ANKRD13B: variants seen among roughly 807,000 people sequenced by gnomAD.
ANKRD13B encodes the protein ankyrin repeat domain 13B, also known as ankyrin repeat domain-containing protein 13B.
In ANKRD13B, 33 loss-of-function variants were observed where a neutral mutation model predicts 74.4. That is an observed-to-expected ratio of 0.44 (90% confidence interval 0.34 to 0.59). The LOEUF is 0.59. Ranked by LOEUF, ANKRD13B falls within the 20% of genes least tolerant of loss-of-function variation. The pLI, the probability that ANKRD13B is intolerant of heterozygous loss-of-function variation, is 0.02. For missense variants in ANKRD13B, 676 were observed against 877.9 expected (o/e 0.77, Z 2.91); for synonymous variants, 341 against 362.9 (o/e 0.94, Z 0.68).
At chr17:29,595,379 T>A (rs113310349) in intron 1 of ANKRD13B, among the ~76,000 whole-genome samples, 14 of 152,150 alleles carry the variant, frequency 9.2e-5, no homozygotes, top group African/African-American at 3.1e-4. Context: ...TTCCCAGGGG[T>A]CCAAGGATCA....
chr17:29,606,202 C>T (rs1262827082), intron 1 of ANKRD13B, among the ~76,000 whole-genome samples: 6 of 151,836 alleles, frequency 4.0e-5, no homozygotes, highest in Admixed American at 1.3e-4. Flanking sequence ...TGAGCTACCG[C>T]GCCTGGCCTG....
chr17:29,606,472 C>T (rs1488458575), intron 1 of ANKRD13B, among the ~76,000 whole-genome samples: 4 of 151,804 alleles, frequency 2.6e-5, no homozygotes, highest in Non-Finnish European at 2.9e-5. Context: ...GCACAAGAAT[C>T]GCTTGAACCT....
In ANKRD13B at chr17:29,613,693, C is replaced by G. The variant is rs888201910; in HGVS notation, c.*111C>G. ...AGCGGCGGCTGGAGACTGGAGCCAC[C>G]GCCTCGCGGGTGCAGCAGCACAGCA... On this transcript the variant is annotated 3_prime_UTR_variant, in exon 15 of 15. Transcript: ENST00000394859. The G allele has an allele frequency of 2.2e-6, 3 of 1,363,082 alleles. No individual in the cohort carries two copies. Among genetic ancestry groups the G allele is most frequent in the African/African-American group, 1.5e-5 (1 of 64,910 alleles). 84.4% of individuals were successfully genotyped at this position (1,363,082 alleles called of 1,614,324 possible).
intron 1 of ANKRD13B, among the ~76,000 whole-genome samples, chr17:29,602,674 T>C (rs964123227): frequency 6.6e-6 from 1 of 152,174 alleles, no homozygotes; most frequent in African/African-American, 2.4e-5. Context: ...TATTTCATCT[T>C]GAGATCCTTA....
chr17:29,612,614 G>T lies in ANKRD13B; in HGVS notation c.1412-38G>T. 1 of 1,514,944 alleles carries T rather than the reference G, an allele frequency of 6.6e-7. No individual in the cohort carries two copies. The highest frequency in any genetic ancestry group is 8.8e-7 in the Non-Finnish European group (1 of 1,134,048). 93.8% of individuals were successfully genotyped at this position (1,514,944 alleles called of 1,614,324 possible). On this transcript the variant is annotated intron_variant, in intron 12 of 14. Coordinates refer to ENST00000394859, the MANE Select transcript of ANKRD13B (RefSeq NM_152345.5). This position sits in a 1 kb window ranked among gnomAD's most constrained non-coding sequence, Gnocchi z 6.1. ...TCTCCCCGGGGTGGGTGGGAGGGGCGCGCCCGGCCGTGCCTGACCCAGCCC... is the reference window on the plus strand; with the variant it reads ...TCTCCCCGGGGTGGGTGGGAGGGGCTCGCCCGGCCGTGCCTGACCCAGCCC...
At chr17:29,599,012 G>A (rs899170577) in intron 1 of ANKRD13B, among the ~76,000 whole-genome samples, 5 of 152,204 alleles carry the variant, frequency 3.3e-5, no homozygotes, top group Non-Finnish European at 7.3e-5. Context: ...TGGCTGATGG[G>A]GCTTCTGTTC....
At position 29,609,334 on chromosome 17, in the gene ANKRD13B, T is replaced by C; in HGVS notation, c.756-21T>C. The stretch of plus-strand genomic sequence containing the variant: ...AGCCCGGTGGGGTGCCTGCCTCACC[T>C]GGACCACTCTGCTTCCCCAGGAACA... On this transcript the variant is annotated intron_variant, in intron 6 of 14. Transcript: ENST00000394859. This position sits in a 1 kb window ranked among gnomAD's most constrained non-coding sequence, Gnocchi z 4.0. The C allele has an allele frequency of 6.2e-7, 1 of 1,613,476 alleles. No individual in the cohort carries two copies. Among genetic ancestry groups the C allele is most frequent in the South Asian group, 1.1e-5 (1 of 91,060 alleles).
chr17:29,599,861 A>ATTTTTT (rs1197088972), intron 1 of ANKRD13B, among the ~76,000 whole-genome samples: 4 of 54,854 alleles, frequency 7.3e-5, no homozygotes, highest in South Asian at 5.4e-4. Context: ...TTAGCATCTA[A>ATTTTTT]TTTGTTTTTT....
At chr17:29,606,005 CG>C (rs2034358527) in intron 1 of ANKRD13B, among the ~76,000 whole-genome samples, 1 of 151,670 alleles carries the variant, frequency 6.6e-6, no homozygotes, top group Admixed American at 6.6e-5. Flanking sequence ...CTCCGCCTCC[CG>C]GGTTCAAGCG....
intron 1 of ANKRD13B, among the ~76,000 whole-genome samples, chr17:29,605,609 G>A (rs2034342712): frequency 6.6e-6 from 1 of 152,060 alleles, no homozygotes; most frequent in South Asian, 2.1e-4. Context: ...TGGGACTACA[G>A]GCACAGGCCA....
intron 1 of ANKRD13B, among the ~76,000 whole-genome samples, chr17:29,594,870 G>A (rs1220804558): frequency 6.6e-6 from 1 of 152,238 alleles, no homozygotes; most frequent in Non-Finnish European, 1.5e-5. Context: ...GCATGGAGGT[G>A]GAGGGCAGGC....
In ANKRD13B at chr17:29,612,478, G is replaced by A. The variant is rs1340694245; in HGVS notation, c.1335G>A (p.Ser445=). The change falls in exon 12 of 15, where the codon TCG becomes TCA. Residue 445 remains serine (S), a synonymous_variant. Transcript: ENST00000394859. This position sits in a 1 kb window ranked among gnomAD's most constrained non-coding sequence, Gnocchi z 6.1. ...NLNGCDEPVP[S]VRGSPSSETP... ...ACGGCTGCGACGAACCGGTGCCATC[G>A]GTGCGAGGCAGCCCCAGCAGCGAGA... 1 of 1,597,052 alleles carries A rather than the reference G, an allele frequency of 6.3e-7. No homozygotes were observed.
At chr17:29,613,030 G>C (rs969540963) in intron 14 of ANKRD13B, 67 bp downstream of exon 14, 3 of 1,545,670 alleles carry the variant, frequency 1.9e-6, no homozygotes, top group Non-Finnish European at 2.6e-6. Flanking sequence ...CCAGGACACA[G>C]CCGGAGAACC....
At chr17:29,610,190 TAAAAAA>T (rs770944356) in intron 7 of ANKRD13B, among the ~76,000 whole-genome samples, 1 of 95,524 alleles carries the variant, frequency 1.0e-5, no homozygotes, top group African/African-American at 4.0e-5. Context: ...AGACTCCATC[TAAAAAA>T]AAAAAAAAAA....
intron 1 of ANKRD13B, 102 bp from the exon 2 acceptor site, chr17:29,607,640 A>T: frequency 6.8e-7 from 1 of 1,475,710 alleles, no homozygotes. Flanking sequence ...GAGCAGCCCC[A>T]GCAGGGGGTG....
At position 29,613,587 on chromosome 17, in the gene ANKRD13B, C is replaced by T; in HGVS notation, c.*5C>T. 7.0e-7 allele frequency: 1 copy of T among 1,434,300 alleles called. No individual in the cohort carries two copies. Among genetic ancestry groups the T allele is most frequent in the Non-Finnish European group, 9.2e-7 (1 of 1,090,366 alleles). The allele number at this position is 1,434,300 out of a possible 1,614,324, so 88.8% of individuals were successfully genotyped here. A position where few individuals can be genotyped will look rare whatever the true frequency, so the allele number is the denominator to read the frequency against. On this transcript the variant is annotated 3_prime_UTR_variant, in exon 15 of 15. Coordinates refer to ENST00000394859, the MANE Select transcript of ANKRD13B (RefSeq NM_152345.5). ...CTCTCACTGACCGAGCAGTAGCGCC[C>T]CCTGCCGGGACCCTCGCCAGCGCCA... is the stretch of plus-strand genomic sequence containing the variant.
rs776591242 is a variant in ANKRD13B at position 29,610,680 on chromosome 17, C to T, written c.823-5C>T. On this transcript the variant is annotated splice_polypyrimidine_tract_variant and splice_region_variant and intron_variant, in intron 7 of 14. Coordinates refer to ENST00000394859, the MANE Select transcript of ANKRD13B (RefSeq NM_152345.5). ...CTTATGAGCCCTTTCTTCATCTGTC[C>T]CCAGGTGTATGGGGCATCTAACGTG... 2.3e-5 allele frequency: 37 copies of T among 1,613,600 alleles called. No individual in the cohort carries two copies. The African/African-American group carries it at 4.7e-4, about 20-fold the overall frequency.
At chr17:29,604,712 T>G (rs1237584652) in intron 1 of ANKRD13B, among the ~76,000 whole-genome samples, 1 of 151,716 alleles carries the variant, frequency 6.6e-6, no homozygotes, top group East Asian at 1.9e-4. Flanking sequence ...CGGCTAATTT[T>G]TTGTATTTTT....
At chr17:29,593,948 G>A (rs560501895) in intron 1 of ANKRD13B, 1 of 277,786 alleles carries the variant, frequency 3.6e-6, no homozygotes, top group Non-Finnish European at 6.7e-6. Flanking sequence ...TCACCTAGAT[G>A]AGAGTAGAGG....
Sources: allele counts gnomAD v4.1 joint callset (sites outside exome capture counted in the v4.1 genomes callset), GRCh38; gene constraint gnomAD v4.1.1; non-coding constraint Gnocchi (gnomAD v3.1); transcripts MANE v1.5; gene names NCBI Gene and HGNC (gene_info 2026-07-23, HGNC 2026-07-21).